TENM4: variants seen among roughly 807,000 people sequenced by gnomAD.
TENM4 encodes teneurin-4.
In TENM4, 82 loss-of-function variants were observed where a neutral mutation model predicts 243.3. That is an observed-to-expected ratio of 0.34 (90% CI 0.28 to 0.40). TENM4 has a LOEUF of 0.40. Among genes scored for constraint, TENM4 ranks in the 10% least tolerant of loss-of-function variants. The probability of loss-of-function intolerance (pLI) is 1.00; values close to 1 mark genes in which losing one functional copy is unlikely to be tolerated. For synonymous variants in TENM4, 1,412 were observed against 1,456.3 expected, an observed-to-expected ratio of 0.97 and a Z score of 0.69; for missense variants, 3,138 against 3,673.3, an observed-to-expected ratio of 0.85 and a Z score of 3.77.
chr11:78,729,652 C>T lies in TENM4; in HGVS notation c.3139-9G>A, dbSNP rs746997279. 3 of 1,601,444 alleles carry T rather than the reference C, an allele frequency of 1.9e-6. No homozygotes were observed. The South Asian group carries it at 3.4e-5, about 18-fold the overall frequency. On this transcript the variant is annotated splice_polypyrimidine_tract_variant and intron_variant, in intron 21 of 33. Transcript: ENST00000278550. ...ATTTCCTCCTGCAAAGCCTAGAAAGCAGAGGCAGATCACAGCAAGGGACGG... is the reference window on the plus strand; with the variant it reads ...ATTTCCTCCTGCAAAGCCTAGAAAGTAGAGGCAGATCACAGCAAGGGACGG...
intron 12 of TENM4, among the ~76,000 whole-genome samples, chr11:78,850,059 C>CTT (rs1164473696): frequency 2.3e-4 from 27 of 115,290 alleles, no homozygotes; most frequent in African/African-American, 9.4e-4. Context: ...GGTTTCAGTG[C>CTT]TCTGTGTGTG....
intron 2 of TENM4, among the ~76,000 whole-genome samples, chr11:79,218,688 A>G (rs987564710): frequency 3.9e-5 from 6 of 152,188 alleles, no homozygotes; most frequent in African/African-American, 9.6e-5. Flanking sequence ...TTTGTCTTCA[A>G]TCTTTCAATC....
At chr11:79,041,879 C>G (rs948998974) in intron 6 of TENM4, among the ~76,000 whole-genome samples, 3 of 152,174 alleles carry the variant, frequency 2.0e-5, no homozygotes, top group African/African-American at 4.8e-5. Flanking sequence ...TGCCAGCCCT[C>G]GCAGGGCTCA....
chr11:79,330,947 ACC>A (rs2135444415), intron 1 of TENM4, among the ~76,000 whole-genome samples: 1 of 152,284 alleles, frequency 6.6e-6, no homozygotes, highest in East Asian at 1.9e-4. Context: ...TCCCTGCCTC[ACC>A]AAGATCTGCA....
At chr11:79,382,068 C>G (rs1433434303) in intron 1 of TENM4, among the ~76,000 whole-genome samples, 4 of 152,196 alleles carry the variant, frequency 2.6e-5, no homozygotes, top group Admixed American at 2.6e-4. Context: ...TAAATTATCT[C>G]AACTTAGACA....
intron 3 of TENM4, among the ~76,000 whole-genome samples, chr11:79,202,814 T>C (rs995399044): frequency 2.0e-5 from 3 of 152,300 alleles, no homozygotes; most frequent in African/African-American, 7.2e-5. Flanking sequence ...GGTGGCTTTA[T>C]GAGCACCCTA....
chr11:79,252,369 G>A (rs1031188062), intron 2 of TENM4, among the ~76,000 whole-genome samples: 1 of 152,146 alleles, frequency 6.6e-6, no homozygotes, highest in Non-Finnish European at 1.5e-5. Context: ...CGAGTAGCTG[G>A]GATTACAGGC....
intron 6 of TENM4, among the ~76,000 whole-genome samples, chr11:78,989,693 G>A (rs1202620206): frequency 6.6e-6 from 1 of 152,144 alleles, no homozygotes; most frequent in East Asian, 1.9e-4. Flanking sequence ...AGCCGTCCCT[G>A]GATGCTCCCT....
chr11:79,078,435 A>T (rs1042580310), intron 4 of TENM4, among the ~76,000 whole-genome samples: 1 of 152,120 alleles, frequency 6.6e-6, no homozygotes, highest in Non-Finnish European at 1.5e-5. Flanking sequence ...CCTTTATTTT[A>T]AAGTGGGGGT....
chr11:79,357,810 A>T (rs1857522794), intron 1 of TENM4, among the ~76,000 whole-genome samples: 1 of 152,230 alleles, frequency 6.6e-6, no homozygotes, highest in Non-Finnish European at 1.5e-5. Context: ...CCTTTGGTTG[A>T]TAACCCCTAA....
intron 6 of TENM4, among the ~76,000 whole-genome samples, chr11:78,926,705 TA>T (rs1403309370): frequency 6.7e-6 from 1 of 149,140 alleles, no homozygotes; most frequent in African/African-American, 2.5e-5. Context: ...CACAGAGGCA[TA>T]GCTTTAACAT....
At chr11:79,067,257 C>T (rs1204095840) in intron 5 of TENM4, among the ~76,000 whole-genome samples, 1 of 152,152 alleles carries the variant, frequency 6.6e-6, no homozygotes, top group Non-Finnish European at 1.5e-5. Flanking sequence ...ATCTGCCCTC[C>T]GATTTTGCTC....
At chr11:78,977,743 T>C (rs1387274383) in intron 6 of TENM4, among the ~76,000 whole-genome samples, 1 of 151,764 alleles carries the variant, frequency 6.6e-6, no homozygotes, top group Non-Finnish European at 1.5e-5. Flanking sequence ...GGAAGGCTTT[T>C]ACACTGTTGG....
intron 2 of TENM4, among the ~76,000 whole-genome samples, chr11:79,228,651 A>G (rs911206389): frequency 2.0e-5 from 3 of 152,196 alleles, no homozygotes; most frequent in African/African-American, 7.2e-5. Context: ...GAGACGAAAA[A>G]AAAAACAAGA....
chr11:79,338,428 CCT>C (rs1423596088), intron 1 of TENM4, among the ~76,000 whole-genome samples: 6 of 152,190 alleles, frequency 3.9e-5, no homozygotes, highest in African/African-American at 1.4e-4. Flanking sequence ...CGGGATGGCC[CCT>C]GACTGCCACC....
chr11:78,669,009 G>C lies in TENM4; in HGVS notation c.7336C>G (p.Pro2446Ala), dbSNP rs1304159627. The C allele has an allele frequency of 6.2e-7, 1 of 1,613,966 alleles. No individual in the cohort carries two copies. Among genetic ancestry groups the C allele is most frequent in the Non-Finnish European group, 8.5e-7 (1 of 1,179,898 alleles). ...TTTTTGAACATATAGAGATTAAAAG[G>C]CATGACGTTGCTGCTACTAAGGTGC... ...WKHLSSSNVM[P>A]FNLYMFKNNN... The change falls in exon 32 of 34, where the codon CCT becomes GCT. Residue 2446 changes from proline to alanine, a missense_variant. By Grantham distance (27) the Pro-to-Ala change is conservative. This residue lies in a region of TENM4 where 2,467 missense variants were observed against 3,059.1 expected (regional missense o/e 0.81). Transcript: ENST00000278550. The surrounding 1 kb of genome is among the most constrained non-coding windows in gnomAD (Gnocchi z 6.4).
chr11:78,901,045 G>A lies in TENM4; in HGVS notation c.749+2223C>T, dbSNP rs142019617. On this transcript the variant is annotated intron_variant, in intron 7 of 33. Coordinates refer to ENST00000278550, the MANE Select transcript of TENM4 (RefSeq NM_001098816.3). ...GAATAAGTAGGACTGGATAGACCAC[G>A]AAGTGAGAAGGTGAGCGACTCTGGC... Among the ~76,000 whole-genome samples the A allele has an allele frequency of 2.5e-3, 381 of 152,222 alleles. 2 individuals are homozygous for A. Among genetic ancestry groups the A allele is most frequent in the African/African-American group, 8.7e-3 (362 of 41,552 alleles).
Position 78,736,480 on chromosome 11 carries a change from G to GTGCA in TENM4, c.2876+1970_2876+1971insTGCA, listed in dbSNP as rs56929696. Among the ~76,000 whole-genome samples the GTGCA allele has an allele frequency of 1.6e-3, 187 of 120,378 alleles. 1 individual carries two copies. Among genetic ancestry groups the GTGCA allele is most frequent in the African/African-American group, 0.013 (169 of 13,512 alleles). The allele number at this position is 120,378 out of a possible 152,430, so 79.0% of individuals were successfully genotyped here. Reference sequence around the variant, plus strand: ...TGTGTGTGTGTGTGTGTGTGTGTGTGCGCGCGCGTGCATGTGAGTAGGGGT... The same window carrying GTGCA: ...TGTGTGTGTGTGTGTGTGTGTGTGTGTGCACGCGCGCGTGCATGTGAGTAGGGGT... On this transcript the variant is annotated intron_variant, in intron 20 of 33. Coordinates refer to ENST00000278550, the MANE Select transcript of TENM4 (RefSeq NM_001098816.3).
chr11:79,340,730 A>G (rs1217066141), intron 1 of TENM4, among the ~76,000 whole-genome samples: 1 of 152,024 alleles, frequency 6.6e-6, no homozygotes, highest in South Asian at 2.1e-4. Context: ...CTGCACATCC[A>G]TCTGGCAAAC....
Sources: gnomAD v4.1 joint callset for allele counts (sites outside exome capture counted in the v4.1 genomes callset) on GRCh38, gnomAD v4.1.1 for gene constraint, gnomAD v4.1.1 regional missense constraint, Gnocchi (gnomAD v3.1) non-coding constraint, MANE v1.5 for transcripts, NCBI Gene and HGNC (gene_info 2026-07-23, HGNC 2026-07-21) for gene names.